Variants in USP7 observed in about 807,000 individuals in gnomAD.
USP7 encodes the protein ubiquitin specific peptidase 7.
Under a neutral mutation model 162.9 loss-of-function variants are expected in USP7, and 9 were observed. The observed-to-expected ratio is 0.06, with a 90% CI of 0.03 to 0.10. USP7 has a LOEUF of 0.10. Ranked by LOEUF, USP7 falls within the 10% of genes least tolerant of loss-of-function variation. The pLI, the probability that USP7 is intolerant of heterozygous loss-of-function variation, is 1.00. For missense variants in USP7, 715 were observed against 1,373.7 expected, an observed-to-expected ratio of 0.52 and a Z score of 7.58; for synonymous variants, 562 against 475.9, an observed-to-expected ratio of 1.18 and a Z score of -2.35.
At chr16:8,957,691 AAGGCTGC>A (rs933467272) in intron 1 of USP7, among the ~76,000 whole-genome samples, 24 of 152,140 alleles carry the variant, frequency 1.6e-4, no homozygotes, top group African/African-American at 5.5e-4. Flanking sequence ...CCGGAAGTTT[AAGGCTGC>A]AGTGAGCTAT....
At chr16:8,896,082 G>A (rs566595539) in intron 26 of USP7, among the ~76,000 whole-genome samples, 31 of 149,784 alleles carry the variant, frequency 2.1e-4, no homozygotes, top group East Asian at 5.9e-4. Context: ...CTCGTGATCC[G>A]CCCGCCTCGG....
chr16:8,902,066 T>C lies in USP7; in HGVS notation c.2047+16A>G, dbSNP rs1444949756. The C allele has an allele frequency of 5.0e-6, 8 of 1,606,988 alleles. No individual in the cohort carries two copies. The highest frequency in any genetic ancestry group is 6.8e-6 in the Non-Finnish European group (8 of 1,173,662). On this transcript the variant is annotated intron_variant, in intron 18 of 30. Coordinates refer to ENST00000344836, the MANE Select transcript of USP7 (RefSeq NM_003470.3). Reference sequence around the variant, plus strand: ...CTACTGCTCTAAGTGCAGGCAGGCGTCTCGTGGGCACTTACGATCTTTATC... The same window carrying C: ...CTACTGCTCTAAGTGCAGGCAGGCGCCTCGTGGGCACTTACGATCTTTATC...
At chr16:8,936,671 A>G in intron 1 of USP7, 1 of 1,535,954 alleles carries the variant, frequency 6.5e-7, no homozygotes, top group Non-Finnish European at 8.7e-7. Flanking sequence ...TCTCACCCAC[A>G]TCAGAGTGAC....
chr16:8,912,411 C>A (rs2061961150), intron 10 of USP7, among the ~76,000 whole-genome samples: 1 of 150,302 alleles, frequency 6.7e-6, no homozygotes, highest in African/African-American at 2.5e-5. Flanking sequence ...GACTGCATGA[C>A]TGCACTCCAG....
intron 2 of USP7, among the ~76,000 whole-genome samples, chr16:8,924,764 G>A (rs1314498646): frequency 6.6e-6 from 1 of 152,202 alleles, no homozygotes; most frequent in Non-Finnish European, 1.5e-5. Flanking sequence ...GTCCTCCTGG[G>A]AGGGTAGTAT....
chr16:8,961,686 G>A (rs184819499), intron 1 of USP7, among the ~76,000 whole-genome samples: 8 of 152,270 alleles, frequency 5.3e-5, no homozygotes, highest in Admixed American at 5.2e-4. Flanking sequence ...TTGGATATTT[G>A]TCTTGACCGG....
At chr16:8,944,482 G>A (rs1899190153) in intron 1 of USP7, among the ~76,000 whole-genome samples, 1 of 152,198 alleles carries the variant, frequency 6.6e-6, no homozygotes, top group Non-Finnish European at 1.5e-5. Flanking sequence ...GGGGACTGGG[G>A]ATGAGGTCAG....
intron 1 of USP7, among the ~76,000 whole-genome samples, chr16:8,959,063 C>A (rs1180109919): frequency 6.6e-6 from 1 of 152,204 alleles, no homozygotes; most frequent in East Asian, 1.9e-4. Flanking sequence ...CAAGGCAACA[C>A]CATGTGCTGA....
chr16:8,924,863 G>A (rs965706930), intron 2 of USP7, among the ~76,000 whole-genome samples: 14 of 152,216 alleles, frequency 9.2e-5, no homozygotes, highest in African/African-American at 3.4e-4. Context: ...ACATAACCCT[G>A]CTGAGTTGCT....
chr16:8,943,440 A>C lies in USP7; in HGVS notation c.80-13043T>G, dbSNP rs993583626. On this transcript the variant is annotated intron_variant, in intron 1 of 30. Transcript: ENST00000344836. ...ACGCACGGCCGGAACCGAGCTGCAC[A>C]GATGCAGTTAGGGCAAGGGATGCCC... Among the ~76,000 whole-genome samples the C allele has an allele frequency of 4.6e-5, 7 of 152,168 alleles. No individual in the cohort carries two copies. In the East Asian group the frequency reaches 1.3e-3, roughly 29 times the overall value.
At chr16:8,908,963 A>G (rs766397638) in intron 11 of USP7, among the ~76,000 whole-genome samples, 5 of 152,254 alleles carry the variant, frequency 3.3e-5, no homozygotes, top group Non-Finnish European at 7.3e-5. Flanking sequence ...TGATGTTTGC[A>G]TAAGAACCCA....
intron 1 of USP7, among the ~76,000 whole-genome samples, chr16:8,959,233 G>A (rs944639542): frequency 3.3e-5 from 5 of 152,078 alleles, no homozygotes; most frequent in African/African-American, 1.2e-4. Flanking sequence ...ACAGCAATTA[G>A]ATGGCAAAAC....
At position 8,905,346 on chromosome 16, in the gene USP7, A is replaced by T; in HGVS notation, c.1429-15T>A. 6.2e-7 allele frequency: 1 copy of T among 1,613,200 alleles called. No homozygotes were observed. The highest frequency in any genetic ancestry group is 8.5e-7 in the Non-Finnish European group (1 of 1,179,128). ...AATTTACACCACTGCAAGGAAAACA[A>T]CACACACCAGCAGCGATCAAGCACT... On this transcript the variant is annotated splice_polypyrimidine_tract_variant and intron_variant, in intron 13 of 30. Coordinates refer to ENST00000344836, the MANE Select transcript of USP7 (RefSeq NM_003470.3).
rs149936865 is a variant in USP7, at chr16:8,927,582, T to A, written c.184+2711A>T. Among the ~76,000 whole-genome samples, 76 of 152,272 alleles carry A rather than the reference T, an allele frequency of 5.0e-4. 1 individual carries two copies. The South Asian group carries it at 0.013, about 26-fold the overall frequency. ...CTTCCTTGGTGGCTCACACTTGTAG[T>A]CCCAGTACTTTGGGAAGCCAAGGCA... is the stretch of plus-strand genomic sequence containing the variant. On this transcript the variant is annotated intron_variant, in intron 2 of 30. Transcript: ENST00000344836.
chr16:8,929,647 G>A (rs1898203880), intron 2 of USP7: 2 of 452,632 alleles, frequency 4.4e-6, no homozygotes, highest in African/African-American at 2.0e-5. Context: ...TGCAATTACT[G>A]GCTGCTCCCT....
At chr16:8,945,673 G>A (rs946882580) in intron 1 of USP7, among the ~76,000 whole-genome samples, 4 of 152,094 alleles carry the variant, frequency 2.6e-5, no homozygotes, top group African/African-American at 9.7e-5. Context: ...CAATTAAAAA[G>A]CAGGATTTTT....
chr16:8,896,484 C>A (rs895180369), intron 26 of USP7, among the ~76,000 whole-genome samples: 3 of 152,246 alleles, frequency 2.0e-5, no homozygotes, highest in Admixed American at 2.0e-4. Context: ...GACTACAGGG[C>A]AAAGTAGTGA....
Position 8,894,648 on chromosome 16 carries a change from A to G in USP7, c.3112-8T>C, listed in dbSNP as rs2061654474. ...TACAATTGCAAATTTAAACTAAAAG[A>G]AAAAAAATTAAAACTCCTCCGTTAT... On this transcript the variant is annotated splice_region_variant and splice_polypyrimidine_tract_variant and intron_variant, in intron 29 of 30. Transcript: ENST00000344836. 1 of 1,610,692 alleles carries G rather than the reference A, an allele frequency of 6.2e-7. No homozygotes were observed. The highest frequency in any genetic ancestry group is 1.1e-5 in the South Asian group (1 of 90,796).
At chr16:8,925,558 AC>A (rs1191458049) in intron 2 of USP7, among the ~76,000 whole-genome samples, 1 of 152,200 alleles carries the variant, frequency 6.6e-6, no homozygotes, top group East Asian at 1.9e-4. Flanking sequence ...TACTCCTTAA[AC>A]ATTAAAAAGA....
Sources: gnomAD v4.1 joint callset for allele counts (sites outside exome capture counted in the v4.1 genomes callset) on GRCh38, gnomAD v4.1.1 for gene constraint, MANE v1.5 for transcripts, NCBI Gene and HGNC (gene_info 2026-07-23, HGNC 2026-07-21) for gene names.